SNTB1: variants seen among roughly 807,000 people sequenced by gnomAD.
SNTB1 encodes the protein beta-1-syntrophin.
SNTB1 carries 36 observed loss-of-function variants against 48.9 expected under a neutral mutation model. The ratio of observed to expected loss-of-function variants is 0.74; its 90% CI spans 0.56 to 0.97. The LOEUF is 0.97. Among genes scored for constraint, SNTB1 ranks in the 50% least tolerant of loss-of-function variants. The pLI, the probability that SNTB1 is intolerant of heterozygous loss-of-function variation, is 0.00. For missense variants in SNTB1, 786 were observed against 703.4 expected (o/e 1.12, Z -1.33); for synonymous variants, 299 against 294.6 (o/e 1.01, Z -0.15).
At chr8:120,547,592 C>CAA (rs11289979) in intron 5 of SNTB1, among the ~76,000 whole-genome samples, 2,088 of 88,752 alleles carry the variant, frequency 0.024, 28 homozygotes, top group African/African-American at 0.033. Flanking sequence ...AACACTGTCT[C>CAA]AAAAAAAAAA....
At chr8:120,556,074 C>A (rs1309599871) in intron 4 of SNTB1, among the ~76,000 whole-genome samples, 1 of 152,152 alleles carries the variant, frequency 6.6e-6, no homozygotes, top group East Asian at 1.9e-4. Context: ...TCTACACAAA[C>A]CCAAGTCTAG....
At chr8:120,791,196 A>G (rs867234597) in intron 1 of SNTB1, among the ~76,000 whole-genome samples, 10 of 151,992 alleles carry the variant, frequency 6.6e-5, no homozygotes, top group Non-Finnish European at 8.8e-5. Context: ...ACAAAAACAT[A>G]AATTGGGGAA....
chr8:120,712,411 T>A (rs1453724886), intron 1 of SNTB1, among the ~76,000 whole-genome samples: 17 of 106,550 alleles, frequency 1.6e-4, no homozygotes, highest in African/African-American at 5.5e-4. Context: ...TGAGACTCCA[T>A]CTCAAAAAAA....
chr8:120,634,542 G>C (rs1373720661), intron 2 of SNTB1, among the ~76,000 whole-genome samples: 1 of 152,070 alleles, frequency 6.6e-6, no homozygotes, highest in Non-Finnish European at 1.5e-5. Context: ...ACTATACCAC[G>C]ATGCCTCTCC....
chr8:120,772,804 T>C (rs903714957), intron 1 of SNTB1, among the ~76,000 whole-genome samples: 2 of 151,962 alleles, frequency 1.3e-5, no homozygotes, highest in African/African-American at 4.8e-5. Context: ...ACAACACTCA[T>C]TCAAGGCTGG....
intron 1 of SNTB1, among the ~76,000 whole-genome samples, chr8:120,722,902 C>A (rs569671079): frequency 6.6e-6 from 1 of 152,130 alleles, no homozygotes; most frequent in Admixed American, 6.5e-5. Flanking sequence ...TTTAATCCAT[C>A]TTGAATTAAT....
At chr8:120,765,353 G>A (rs1819503754) in intron 1 of SNTB1, among the ~76,000 whole-genome samples, 1 of 152,234 alleles carries the variant, frequency 6.6e-6, no homozygotes, top group African/African-American at 2.4e-5. Flanking sequence ...AGTTTTTGAA[G>A]AGAGATAAGT....
intron 1 of SNTB1, among the ~76,000 whole-genome samples, chr8:120,745,917 C>G (rs1819117772): frequency 6.6e-6 from 1 of 152,186 alleles, no homozygotes; most frequent in African/African-American, 2.4e-5. Flanking sequence ...CTGTTTTGGT[C>G]TGAATCTAAT....
chr8:120,772,250 CTT>C (rs1288097097), intron 1 of SNTB1, among the ~76,000 whole-genome samples: 2 of 141,448 alleles, frequency 1.4e-5, no homozygotes. Context: ...ATTTTTTCTT[CTT>C]TTTTTTTTTT....
At chr8:120,748,475 T>A (rs571936113) in intron 1 of SNTB1, among the ~76,000 whole-genome samples, 1 of 152,292 alleles carries the variant, frequency 6.6e-6, no homozygotes, top group East Asian at 1.9e-4. Context: ...GGGAAAGGGA[T>A]GGTGAAGTGA....
chr8:120,741,182 T>G (rs1011151844), intron 1 of SNTB1, among the ~76,000 whole-genome samples: 1 of 152,216 alleles, frequency 6.6e-6, no homozygotes, highest in Non-Finnish European at 1.5e-5. Context: ...ATGATCATAT[T>G]AGAGATTCAT....
intron 3 of SNTB1, among the ~76,000 whole-genome samples, chr8:120,590,273 T>G (rs1456912466): frequency 6.6e-6 from 1 of 152,122 alleles, no homozygotes; most frequent in Non-Finnish European, 1.5e-5. Context: ...CCCTCAAAAT[T>G]CCCTTTTGCC....
At chr8:120,682,129 G>GA (rs1255166406) in intron 2 of SNTB1, among the ~76,000 whole-genome samples, 10 of 151,704 alleles carry the variant, frequency 6.6e-5, no homozygotes, top group South Asian at 2.1e-4. Flanking sequence ...AAGCAATAGA[G>GA]AAAAAAACCT....
At chr8:120,707,541 C>G (rs66793956) in intron 1 of SNTB1, among the ~76,000 whole-genome samples, 56,152 of 152,100 alleles carry the variant, frequency 0.37, 16,006 homozygotes, top group African/African-American at 0.79. Context: ...TTGAGGCATA[C>G]CAGTCAAGAT....
At chr8:120,606,945 G>T (rs1159638655) in intron 3 of SNTB1, among the ~76,000 whole-genome samples, 2 of 152,050 alleles carry the variant, frequency 1.3e-5, no homozygotes, top group South Asian at 2.1e-4. Context: ...TCCAGCAAGA[G>T]AATTAAATGG....
intron 1 of SNTB1, among the ~76,000 whole-genome samples, chr8:120,772,250 CTTTT>C (rs1288097097): frequency 7.1e-6 from 1 of 141,496 alleles, no homozygotes. Flanking sequence ...ATTTTTTCTT[CTTTT>C]TTTTTTTTTG....
intron 1 of SNTB1, among the ~76,000 whole-genome samples, chr8:120,696,462 C>T (rs1286942204): frequency 6.6e-6 from 1 of 152,062 alleles, no homozygotes; most frequent in Non-Finnish European, 1.5e-5. Flanking sequence ...TAATGATGTG[C>T]CAAGTATTGA....
chr8:120,582,078 C>T (rs1182490449), intron 3 of SNTB1, among the ~76,000 whole-genome samples: 2 of 152,078 alleles, frequency 1.3e-5, no homozygotes, highest in African/African-American at 4.8e-5. Flanking sequence ...AAAACCATAG[C>T]AGAACACCCA....
At chr8:120,581,088 CA>C (rs775547135) in intron 3 of SNTB1, among the ~76,000 whole-genome samples, 4,959 of 89,854 alleles carry the variant, frequency 0.055, 143 homozygotes, top group African/African-American at 0.13. Flanking sequence ...GACCCTGTCT[CA>C]AAAAAAAAAA....
Sources: allele counts gnomAD v4.1 joint callset (sites outside exome capture counted in the v4.1 genomes callset), GRCh38; gene constraint gnomAD v4.1.1; transcripts MANE v1.5; gene names NCBI Gene and HGNC (gene_info 2026-07-23, HGNC 2026-07-21).